The following NRF1 variants were observed in gnomAD, a reference collection of about 807,000 sequenced individuals.
The protein encoded by NRF1 is alpha palindromic-binding protein.
In NRF1, 5 loss-of-function variants were observed where a neutral mutation model predicts 58.5. The ratio of observed to expected loss-of-function variants is 0.09; its 90% CI spans 0.04 to 0.18. The LOEUF (loss-of-function observed/expected upper bound fraction) is 0.18. Among genes scored for constraint, NRF1 ranks in the 10% least tolerant of loss-of-function variants. The pLI, the probability that NRF1 is intolerant of heterozygous loss-of-function variation, is 1.00. For missense variants in NRF1, 288 were observed against 657.7 expected, an observed-to-expected ratio of 0.44 and a Z score of 6.15; for synonymous variants, 224 against 246.7, an observed-to-expected ratio of 0.91 and a Z score of 0.86.
At position 129,673,646 on chromosome 7, in the gene NRF1, GGCGGAGCTTGCAGTGA is replaced by G. The variant is rs571846725; in HGVS notation, c.338+2110_338+2125del. Among the ~76,000 whole-genome samples, 332 of 151,046 alleles carry G rather than the reference GGCGGAGCTTGCAGTGA, an allele frequency of 2.2e-3. 3 individuals are homozygous for G. The highest frequency in any genetic ancestry group is 0.017 in the Middle Eastern group (5 of 292). ...GCAGGAGAATGGCGTGAACCCGGGA[GGCGGAGCTTGCAGTGA>G]GCGGAGATCGCGCCACAGCACTCCC... On this transcript the variant is annotated intron_variant, in intron 3 of 10. Coordinates refer to ENST00000393232, the MANE Select transcript of NRF1 (RefSeq NM_005011.5).
chr7:129,704,990 A>G (rs1438857833), intron 5 of NRF1, among the ~76,000 whole-genome samples: 1 of 152,232 alleles, frequency 6.6e-6, no homozygotes, highest in African/African-American at 2.4e-5. Context: ...AAAAAAAAGA[A>G]ACAGCTTTTT....
rs917009008 is a variant in NRF1 at position 129,724,954 on chromosome 7, G to T, written c.1224-2287G>T. ...GACAACAAAGGCACACACACCTATA[G>T]TTCCAGCTATTTGCGTCAGGAGGCT... is the stretch of plus-strand genomic sequence containing the variant. On this transcript the variant is annotated intron_variant, in intron 9 of 10. Coordinates refer to ENST00000393232, the MANE Select transcript of NRF1 (RefSeq NM_005011.5). 3.3e-5 allele frequency among the ~76,000 whole-genome samples: 5 copies of T among 152,132 alleles called. No individual in the cohort carries two copies. The East Asian group carries it at 7.7e-4, about 23-fold the overall frequency.
At chr7:129,679,771 A>G (rs1180312393) in intron 4 of NRF1, among the ~76,000 whole-genome samples, 1 of 151,914 alleles carries the variant, frequency 6.6e-6, no homozygotes, top group Non-Finnish European at 1.5e-5. Flanking sequence ...AAAAATAGGC[A>G]AAAGGGCCAC....
chr7:129,627,072 T>G (rs971072531), intron 1 of NRF1, among the ~76,000 whole-genome samples: 1 of 152,224 alleles, frequency 6.6e-6, no homozygotes, highest in African/African-American at 2.4e-5. Flanking sequence ...CCAGTTTCCC[T>G]TTCTGGAAAC....
At chr7:129,711,113 C>CT (rs1172049440) in intron 7 of NRF1, among the ~76,000 whole-genome samples, 2 of 152,130 alleles carry the variant, frequency 1.3e-5, no homozygotes, top group African/African-American at 2.4e-5. Context: ...CAGTTTCACT[C>CT]TCAGTGATCA....
At chr7:129,637,619 A>G (rs1801196033) in intron 1 of NRF1, among the ~76,000 whole-genome samples, 1 of 152,184 alleles carries the variant, frequency 6.6e-6, no homozygotes, top group Non-Finnish European at 1.5e-5. Flanking sequence ...GTCCACAACC[A>G]TATTTATTTA....
intron 4 of NRF1, among the ~76,000 whole-genome samples, chr7:129,679,052 A>AT (rs772025830): frequency 3.3e-5 from 5 of 152,238 alleles, no homozygotes; most frequent in Non-Finnish European, 7.3e-5. Context: ...AAGAAAAAAA[A>AT]CAAAACCAAG....
At chr7:129,715,831 C>T (rs143117955) in intron 8 of NRF1, among the ~76,000 whole-genome samples, 3,624 of 152,030 alleles carry the variant, frequency 0.024, 149 homozygotes, top group African/African-American at 0.082. Flanking sequence ...ATGGAGAAAC[C>T]CCGTTTCTAC....
rs766654042 is a variant in NRF1 at position 129,664,126 on chromosome 7, G to A, written c.223+6552G>A. Among the ~76,000 whole-genome samples, 132 of 151,856 alleles carry A rather than the reference G, an allele frequency of 8.7e-4. 1 individual carries two copies. Among genetic ancestry groups the A allele is most frequent in the Non-Finnish European group, 7.4e-4 (50 of 67,914 alleles). On this transcript the variant is annotated intron_variant, in intron 2 of 10. Coordinates refer to ENST00000393232, the MANE Select transcript of NRF1 (RefSeq NM_005011.5). ...CCCAAGAGAGGGAGACAGTGGAGACGGGAAAGGGGGAGGGGGAGGGGGAAA... is the reference window on the plus strand; with the variant it reads ...CCCAAGAGAGGGAGACAGTGGAGACAGGAAAGGGGGAGGGGGAGGGGGAAA...
chr7:129,647,215 C>A (rs1047144230), intron 1 of NRF1, among the ~76,000 whole-genome samples: 4 of 151,652 alleles, frequency 2.6e-5, no homozygotes, highest in Non-Finnish European at 5.9e-5. Context: ...TTTTTTGTAT[C>A]TTTAGTAGAG....
chr7:129,710,684 G>A (rs1803052395), intron 7 of NRF1, 113 bp downstream of exon 7: 2 of 671,326 alleles, frequency 3.0e-6, no homozygotes, highest in Non-Finnish European at 5.4e-6. Flanking sequence ...ACTTTATATA[G>A]CTCCCCAAGA....
intron 4 of NRF1, among the ~76,000 whole-genome samples, chr7:129,683,284 G>GGA (rs1364258588): frequency 1.1e-4 from 15 of 131,952 alleles, no homozygotes; most frequent in South Asian, 2.4e-4. Context: ...TCAATCATGT[G>GGA]GAGAGTGTGT....
At chr7:129,696,996 G>T (rs1802713662) in intron 5 of NRF1, among the ~76,000 whole-genome samples, 1 of 151,924 alleles carries the variant, frequency 6.6e-6, no homozygotes, top group South Asian at 2.1e-4. Flanking sequence ...AATAAAATTT[G>T]GTGTAGGAAA....
At chr7:129,748,024 C>T (rs1289195851) in intron 10 of NRF1, among the ~76,000 whole-genome samples, 1 of 151,990 alleles carries the variant, frequency 6.6e-6, no homozygotes, top group Admixed American at 6.5e-5. Context: ...GCCTATAATC[C>T]CAGCACTTTG....
At chr7:129,701,982 T>C (rs1802835796) in intron 5 of NRF1, among the ~76,000 whole-genome samples, 1 of 152,180 alleles carries the variant, frequency 6.6e-6, no homozygotes, top group Non-Finnish European at 1.5e-5. Context: ...GTGTACAATA[T>C]GGTACCATTT....
At position 129,658,168 on chromosome 7, in the gene NRF1, T is replaced by C. The variant is rs187668897; in HGVS notation, c.223+594T>C. Among the ~76,000 whole-genome samples, 1,400 of 152,370 alleles carry C rather than the reference T, an allele frequency of 9.2e-3. 11 individuals are homozygous for C. Among genetic ancestry groups the C allele is most frequent in the Admixed American group, 0.012 (184 of 15,306 alleles). On this transcript the variant is annotated intron_variant, in intron 2 of 10. Transcript: ENST00000393232. ...TACCTGTTCTGTTTACTTTTCTCTT[T>C]CTTGGCGTTTTCTTTTGTAGTGATT...
At chr7:129,724,233 G>A (rs1413794709) in intron 9 of NRF1, among the ~76,000 whole-genome samples, 2 of 152,192 alleles carry the variant, frequency 1.3e-5, no homozygotes, top group East Asian at 1.9e-4. Flanking sequence ...CAAAGGTCTT[G>A]AATAGACATT....
At chr7:129,638,763 G>A (rs1014427318) in intron 1 of NRF1, among the ~76,000 whole-genome samples, 3 of 152,018 alleles carry the variant, frequency 2.0e-5, no homozygotes, top group Non-Finnish European at 4.4e-5. Flanking sequence ...AACTTAGGTA[G>A]CATTTCTCCC....
rs760826845 is a variant in NRF1, at chr7:129,690,563, G to A, written c.606+17G>A. The A allele has an allele frequency of 4.8e-5, 77 of 1,613,772 alleles. 1 individual carries two copies. The South Asian group carries it at 6.6e-4, about 14-fold the overall frequency. On this transcript the variant is annotated intron_variant, in intron 5 of 10. Coordinates refer to ENST00000393232, the MANE Select transcript of NRF1 (RefSeq NM_005011.5). ...ATGACCCAGGTGAGGGGTGGGAGGTGAGGAGGAGACTCAAAGACAAGTGGC... is the reference window on the plus strand; with the variant it reads ...ATGACCCAGGTGAGGGGTGGGAGGTAAGGAGGAGACTCAAAGACAAGTGGC...
Sources: gnomAD v4.1 joint callset for allele counts (sites outside exome capture counted in the v4.1 genomes callset) on GRCh38, gnomAD v4.1.1 for gene constraint, MANE v1.5 for transcripts, NCBI Gene and HGNC (gene_info 2026-07-23, HGNC 2026-07-21) for gene names.